UGT2B7: variants seen among roughly 807,000 people sequenced by gnomAD.
The protein encoded by UGT2B7 is UDP-glucuronosyltransferase 2B7.
UGT2B7 carries 51 observed loss-of-function variants against 51.9 expected under a neutral mutation model. The observed-to-expected ratio is 0.98, with a 90% CI of 0.78 to 1.24. The LOEUF (loss-of-function observed/expected upper bound fraction) is 1.24, where lower values mean the gene tolerates loss of function less well. Among genes scored for constraint, UGT2B7 ranks in the 50% most tolerant of loss-of-function variants. UGT2B7 has a pLI of 0.00. For synonymous variants in UGT2B7, 225 were observed against 211.6 expected (o/e 1.06, Z -0.55); for missense variants, 727 against 628.4 (o/e 1.16, Z -1.68).
intron 2 of UGT2B7, among the ~76,000 whole-genome samples, chr4:69,100,126 A>G (rs1719376611): frequency 6.6e-6 from 1 of 152,060 alleles, no homozygotes; most frequent in African/African-American, 2.4e-5. Flanking sequence ...AACATACCCT[A>G]TGAGAGCAGA....
In UGT2B7 at chr4:69,096,879, G is replaced by A. The variant is rs1560508491; in HGVS notation, c.359G>A (p.Gly120Asp). The change falls in exon 1 of 6, where the codon GGT becomes GAT. Residue 120 changes from glycine (G) to aspartate (D), a missense_variant. Physicochemically the swap from Gly to Asp is moderately conservative, Grantham distance 94 (BLOSUM62 -1). Coordinates refer to ENST00000305231, the MANE Select transcript of UGT2B7 (RefSeq NM_001074.4). ...GTACAGGAAATCATGTCAATATTTGGTGACATAACTAGAAAGTTCTGTAAA... is the reference window on the plus strand; with the variant it reads ...GTACAGGAAATCATGTCAATATTTGATGACATAACTAGAAAGTTCTGTAAA... Reference protein sequence around the residue: ...SQVQEIMSIFGDITRKFCKDV... With the variant: ...SQVQEIMSIFDDITRKFCKDV... 6.2e-7 allele frequency: 1 copy of A among 1,613,186 alleles called. No homozygotes were observed. The highest frequency in any genetic ancestry group is 1.7e-5 in the Admixed American group (1 of 59,756).
At chr4:69,081,801 ACAT>A (rs2109874147) in intron 1 of UGT2B7, among the ~76,000 whole-genome samples, 1 of 152,262 alleles carries the variant, frequency 6.6e-6, no homozygotes, top group African/African-American at 2.4e-5. Flanking sequence ...TTTACATCAC[ACAT>A]CATAATATTC....
At chr4:69,068,294 C>T (rs1352618578) in intron 1 of UGT2B7, among the ~76,000 whole-genome samples, 1 of 151,822 alleles carries the variant, frequency 6.6e-6, no homozygotes, top group Non-Finnish European at 1.5e-5. Context: ...TCAAATTTGC[C>T]TTCAAAAATT....
chr4:69,095,503 T>G (rs1719199090), upstream of UGT2B7, among the ~76,000 whole-genome samples: 1 of 152,178 alleles, frequency 6.6e-6, no homozygotes, highest in Non-Finnish European at 1.5e-5. Context: ...AAAAGGAAAG[T>G]TGATCATTTC....
intron 1 of UGT2B7, among the ~76,000 whole-genome samples, chr4:69,066,740 C>A (rs1254141033): frequency 6.6e-6 from 1 of 151,986 alleles, no homozygotes; most frequent in Non-Finnish European, 1.5e-5. Context: ...AGTGTAGTTA[C>A]CTTTCACAAA....
upstream of UGT2B7, among the ~76,000 whole-genome samples, chr4:69,094,013 T>C (rs868232106): frequency 2.0e-5 from 3 of 152,314 alleles, no homozygotes; most frequent in Middle Eastern, 3.4e-3. Context: ...GTATATCTCA[T>C]ATTAAGTGTT....
chr4:69,079,322 G>A (rs934210386), intron 1 of UGT2B7, among the ~76,000 whole-genome samples: 7 of 152,266 alleles, frequency 4.6e-5, no homozygotes, highest in African/African-American at 1.7e-4. Flanking sequence ...AAAGCACATT[G>A]AGAAGCTGAT....
upstream of UGT2B7, among the ~76,000 whole-genome samples, chr4:69,093,862 G>T (rs1022135552): frequency 6.6e-6 from 1 of 152,142 alleles, no homozygotes; most frequent in African/African-American, 2.4e-5. Flanking sequence ...TCCTTAAATA[G>T]TCCCAATGCG....
chr4:69,080,121 C>G (rs1264312659), intron 1 of UGT2B7, among the ~76,000 whole-genome samples: 1 of 152,056 alleles, frequency 6.6e-6, no homozygotes, highest in African/African-American at 2.4e-5. Flanking sequence ...TCTAATCCTT[C>G]CTCTCAAATA....
exon 1 of UGT2B7, chr4:69,051,436 A>T (rs1256193009): frequency 1.3e-5 from 2 of 151,988 alleles, no homozygotes; most frequent in Non-Finnish European, 2.9e-5. Context: ...CCTGTGGGGG[A>T]CTCCAGCCAG....
chr4:69,096,560 C>A lies in UGT2B7; in HGVS notation c.40C>A (p.Leu14Met), dbSNP rs1412192907. ...GACTTCAGTAATTTTGCTAATACAA[C>A]TGAGCTTTTGCTTTAGCTCTGGGAA... ...KWTSVILLIQ[L>M]SFCFSSGNCG... The change falls in exon 1 of 6, where the codon CTG becomes ATG. Residue 14 changes from leucine (L) to methionine (M), a missense_variant. Leu to Met is a conservative substitution (Grantham distance 15). Coordinates refer to ENST00000305231, the MANE Select transcript of UGT2B7 (RefSeq NM_001074.4). 1.2e-6 allele frequency: 2 copies of A among 1,613,838 alleles called. No individual in the cohort carries two copies. The highest frequency in any genetic ancestry group is 3.3e-5 in the Admixed American group (2 of 59,978).
chr4:69,076,123 G>A (rs148893289), intron 1 of UGT2B7, among the ~76,000 whole-genome samples: 90 of 152,230 alleles, frequency 5.9e-4, no homozygotes, highest in Middle Eastern at 3.4e-3. Flanking sequence ...CCTTTTTTAT[G>A]TGTGCATAGT....
chr4:69,056,875 C>A lies in UGT2B7; in HGVS notation c.-159+5273C>A, dbSNP rs1377913819. On this transcript the variant is annotated intron_variant, in intron 1 of 5. Transcript: ENST00000502942. ...AGGGGGGAATGAAGGAAGAGAAAGA[C>A]CCTCTCATATTATTTTATATTGTTT... 2.0e-5 allele frequency among the ~76,000 whole-genome samples: 3 copies of A among 152,054 alleles called. No homozygotes were observed. In the East Asian group the frequency reaches 5.8e-4, roughly 29 times the overall value.
intron 1 of UGT2B7, among the ~76,000 whole-genome samples, chr4:69,064,094 A>AAGAAAGAAAGAGAGAGAGAG (rs1560499755): frequency 3.6e-5 from 3 of 84,480 alleles, no homozygotes; most frequent in Non-Finnish European, 7.1e-5. Flanking sequence ...GAAAGAAAGA[A>AAGAAAGAAAGAGAGAGAGAG]AGAGAAAGAA....
chr4:69,108,081 G>T (rs1719661256), intron 4 of UGT2B7, 22 bp from the exon 5 acceptor site: 1 of 1,610,298 alleles, frequency 6.2e-7, no homozygotes, highest in African/African-American at 1.3e-5. Flanking sequence ...GAGTAATTTT[G>T]CTAAAATTCA....
rs908246980 is a variant in UGT2B7 at position 69,089,948 on chromosome 4, G to A, written c.-27+345G>A. 2.6e-5 allele frequency among the ~76,000 whole-genome samples: 4 copies of A among 152,052 alleles called. No homozygotes were observed. In the East Asian group the frequency reaches 7.7e-4, roughly 29 times the overall value. Reference sequence around the variant, plus strand: ...AACCCTGAAGTGTACTAACTCCAAGGAACATAAAAAGGGAGGGCTGATATT... The same window carrying A: ...AACCCTGAAGTGTACTAACTCCAAGAAACATAAAAAGGGAGGGCTGATATT... On this transcript the variant is annotated intron_variant, in intron 2 of 5. Coordinates refer to the UGT2B7 transcript ENST00000502942.
Position 69,103,107 on chromosome 4 carries a change from A to ATT in UGT2B7, c.1002+177_1002+178dup, listed in dbSNP as rs34407256. 2.2e-4 allele frequency among the ~76,000 whole-genome samples: 34 copies of ATT among 151,212 alleles called. 1 individual carries two copies. The South Asian group carries it at 3.1e-3, about 14-fold the overall frequency. On this transcript the variant is annotated intron_variant, in intron 3 of 5. Coordinates refer to ENST00000305231, the MANE Select transcript of UGT2B7 (RefSeq NM_001074.4). ...TGAGAAGTTTGAAAATTGTGGTTGC[A>ATT]TTTTTTTTTAAATGGTGTTAAGTAT... is the stretch of plus-strand genomic sequence containing the variant.
chr4:69,063,489 A>T (rs1293228933), intron 1 of UGT2B7, among the ~76,000 whole-genome samples: 1 of 152,112 alleles, frequency 6.6e-6, no homozygotes, highest in African/African-American at 2.4e-5. Context: ...TGAGACAGCA[A>T]ATATGTTAGA....
chr4:69,103,025 A>C, intron 3 of UGT2B7, 87 bp downstream of exon 3: 1 of 1,539,956 alleles, frequency 6.5e-7, no homozygotes, highest in Non-Finnish European at 8.7e-7. Flanking sequence ...ACTTCTGATA[A>C]ATGTGAAGTT....
Sources: allele counts gnomAD v4.1 joint callset (sites outside exome capture counted in the v4.1 genomes callset), GRCh38; gene constraint gnomAD v4.1.1; transcripts MANE v1.5; gene names NCBI Gene and HGNC (gene_info 2026-07-23, HGNC 2026-07-21).